Variants in DAB1 observed in about 807,000 individuals in gnomAD.
DAB1 encodes the protein DAB adaptor protein 1.
DAB1 carries 15 observed loss-of-function variants against 64.6 expected under a neutral mutation model. The observed-to-expected ratio is 0.23, with a 90% CI of 0.16 to 0.36. DAB1 has a LOEUF of 0.36. Among genes scored for constraint, DAB1 ranks in the 10% least tolerant of loss-of-function variants. DAB1 has a pLI of 1.00. For synonymous variants in DAB1, 235 were observed against 251.9 expected (o/e 0.93, Z 0.64); for missense variants, 596 against 706.7 (o/e 0.84, Z 1.78).
chr1:57,338,283 C>A (rs1056240415), intron 1 of DAB1, among the ~76,000 whole-genome samples: 2 of 152,084 alleles, frequency 1.3e-5, no homozygotes, highest in African/African-American at 2.4e-5. Context: ...CCGCACCCAA[C>A]CTCATGCTTT....
At chr1:58,163,131 T>C (rs1399447233) in intron 4 of DAB1, among the ~76,000 whole-genome samples, 1 of 152,200 alleles carries the variant, frequency 6.6e-6, no homozygotes, top group Non-Finnish European at 1.5e-5. Flanking sequence ...TGCCTGGCCC[T>C]ATCCAGTCAT....
intron 4 of DAB1, among the ~76,000 whole-genome samples, chr1:58,288,663 A>T (rs1208251684): frequency 6.6e-5 from 10 of 152,214 alleles, no homozygotes. Context: ...TAATAAGTGA[A>T]AATAAATACT....
chr1:58,486,991 T>A (rs1042248703), intron 3 of DAB1, among the ~76,000 whole-genome samples: 1 of 152,210 alleles, frequency 6.6e-6, no homozygotes, highest in African/African-American at 2.4e-5. Flanking sequence ...TATTCTAAGT[T>A]AGATGAGAAG....
chr1:58,142,806 C>T (rs1334599861), intron 5 of DAB1, among the ~76,000 whole-genome samples: 1 of 152,236 alleles, frequency 6.6e-6, no homozygotes, highest in Non-Finnish European at 1.5e-5. Context: ...GCATTAATTG[C>T]TCCCTTCTCT....
intron 3 of DAB1, among the ~76,000 whole-genome samples, chr1:58,362,133 G>C (rs895280458): frequency 6.6e-6 from 1 of 152,018 alleles, no homozygotes; most frequent in Non-Finnish European, 1.5e-5. Flanking sequence ...TGTTAAATCA[G>C]TACATACATG....
chr1:57,063,038 G>T (rs968307173), intron 8 of DAB1, 95 bp from the exon 9 acceptor site: 2 of 1,122,356 alleles, frequency 1.8e-6, no homozygotes, highest in Admixed American at 1.9e-5. Context: ...CTGGCTAAGG[G>T]TGCCTGAGAA....
chr1:57,626,998 C>T (rs953963262), intron 7 of DAB1, among the ~76,000 whole-genome samples: 6 of 152,158 alleles, frequency 3.9e-5, no homozygotes, highest in African/African-American at 1.4e-4. Flanking sequence ...ACTACTACTT[C>T]TGGGGGTTTC....
intron 5 of DAB1, among the ~76,000 whole-genome samples, chr1:57,950,940 C>T (rs1483180870): frequency 6.6e-6 from 1 of 152,100 alleles, no homozygotes; most frequent in Non-Finnish European, 1.5e-5. Flanking sequence ...TGGAAACAGG[C>T]ACCTTGTGGT....
intron 5 of DAB1, among the ~76,000 whole-genome samples, chr1:58,148,489 C>G (rs973274235): frequency 6.6e-6 from 1 of 152,230 alleles, no homozygotes; most frequent in Admixed American, 6.5e-5. Context: ...CCCTTGCAAA[C>G]TACATTTTGA....
intron 9 of DAB1, among the ~76,000 whole-genome samples, chr1:57,043,409 T>C (rs1456362677): frequency 6.6e-6 from 1 of 152,202 alleles, no homozygotes; most frequent in Non-Finnish European, 1.5e-5. Context: ...CATGAAGAAA[T>C]GCTGATTCTA....
intron 3 of DAB1, among the ~76,000 whole-genome samples, chr1:58,399,124 T>C (rs1196511714): frequency 6.6e-6 from 1 of 152,216 alleles, no homozygotes; most frequent in African/African-American, 2.4e-5. Flanking sequence ...CAGTCCCATT[T>C]TACAGATAAG....
At chr1:58,403,016 A>T (rs1227144695) in intron 3 of DAB1, among the ~76,000 whole-genome samples, 3 of 152,204 alleles carry the variant, frequency 2.0e-5, no homozygotes, top group African/African-American at 7.2e-5. Flanking sequence ...TATCAATACC[A>T]TATGACTCTG....
intron 6 of DAB1, among the ~76,000 whole-genome samples, chr1:57,738,500 A>C (rs917956270): frequency 2.0e-5 from 3 of 151,316 alleles, no homozygotes; most frequent in African/African-American, 7.3e-5. Context: ...CCCCACACAT[A>C]CCCCCAACCC....
rs541493736 is a variant in DAB1 at position 58,197,405 on chromosome 1, C to T, written n.310-46817G>A. Among the ~76,000 whole-genome samples, 1,217 of 148,120 alleles carry T rather than the reference C, an allele frequency of 8.2e-3. 13 individuals carry two copies. The highest frequency in any genetic ancestry group is 0.029 in the African/African-American group (1,166 of 40,366). ...ACAAACATTCAGTAGGAGAGTTACACTTTTTTTTTTTTTAAGACAGAGTCT... is the reference window on the plus strand; with the variant it reads ...ACAAACATTCAGTAGGAGAGTTACATTTTTTTTTTTTTTAAGACAGAGTCT... On this transcript the variant is annotated intron_variant and non_coding_transcript_variant, in intron 4 of 20. Coordinates refer to the DAB1 transcript ENST00000485760.
chr1:58,395,185 G>T (rs1242637267), intron 3 of DAB1, among the ~76,000 whole-genome samples: 1 of 152,110 alleles, frequency 6.6e-6, no homozygotes, highest in African/African-American at 2.4e-5. Flanking sequence ...AAGGTTTTGT[G>T]AGCGCCACTA....
At chr1:57,885,862 C>T (rs1346090352), upstream of DAB1, among the ~76,000 whole-genome samples, 2 of 152,022 alleles carry the variant, frequency 1.3e-5, no homozygotes, top group African/African-American at 4.8e-5. Context: ...AGTCTATAAT[C>T]CCAGGAAAAA....
Position 57,631,669 on chromosome 1 carries a change from G to A in DAB1, n.625+17923C>T, listed in dbSNP as rs1321538743. On this transcript the variant is annotated intron_variant and non_coding_transcript_variant, in intron 7 of 20. Coordinates refer to the DAB1 transcript ENST00000485760. ...TTGAGCCTTTTACTTCATAAATTTT[G>A]TGTACTTTCAAAATAAAATACTGAT... Among the ~76,000 whole-genome samples, 5 of 152,192 alleles carry A rather than the reference G, an allele frequency of 3.3e-5. No individual in the cohort carries two copies. The East Asian group carries it at 7.7e-4, about 23-fold the overall frequency.
rs71733910 is a variant in DAB1 at position 58,215,976 on chromosome 1, C to CATGG, written n.310-65392_310-65389dup. ...TCTGTTCCTCTGAATTGAATGAATG[C>CATGG]ATGGATGGATGGATGGATGGATGGG... On this transcript the variant is annotated intron_variant and non_coding_transcript_variant, in intron 4 of 20. Transcript: ENST00000485760. 4.5e-4 allele frequency among the ~76,000 whole-genome samples: 68 copies of CATGG among 152,100 alleles called. No homozygotes were observed. In the South Asian group the frequency reaches 9.4e-3, roughly 21 times the overall value.
intron 9 of DAB1, among the ~76,000 whole-genome samples, chr1:57,044,347 T>C (rs546176270): frequency 4.6e-5 from 7 of 152,230 alleles, no homozygotes; most frequent in Admixed American, 1.3e-4. Context: ...ATTTGAAAAA[T>C]GGGTGAAGGA....
Sources: gnomAD v4.1 joint callset for allele counts (sites outside exome capture counted in the v4.1 genomes callset) on GRCh38, gnomAD v4.1.1 for gene constraint, MANE v1.5 for transcripts, NCBI Gene and HGNC (gene_info 2026-07-23, HGNC 2026-07-21) for gene names.